The following PRKN variants were observed in gnomAD, a reference collection of about 807,000 sequenced individuals.
PRKN encodes E3 ubiquitin-protein ligase parkin.
Under a neutral mutation model 59.5 loss-of-function variants are expected in PRKN, and 56 were observed. The observed-to-expected ratio is 0.94, with a 90% CI of 0.76 to 1.18. The LOEUF is 1.18. PRKN is among the 50% of genes most tolerant of loss of function. PRKN has a pLI of 0.00. For missense variants in PRKN, 657 were observed against 596.4 expected (o/e 1.10, Z -1.06); for synonymous variants, 250 against 222.1 (o/e 1.13, Z -1.12).
chr6:161,669,332 G>A (rs142955259), intron 7 of PRKN, among the ~76,000 whole-genome samples: 219 of 152,224 alleles, frequency 1.4e-3, no homozygotes, highest in Non-Finnish European at 2.6e-3. Context: ...CACAGTGACC[G>A]CCTCCAGCTA....
chr6:162,455,188 G>T (rs527835108), intron 1 of PRKN, among the ~76,000 whole-genome samples: 2 of 152,138 alleles, frequency 1.3e-5, no homozygotes, highest in East Asian at 3.9e-4. Flanking sequence ...TATCACCCAG[G>T]AGACAAACTG....
intron 1 of PRKN, among the ~76,000 whole-genome samples, chr6:162,554,817 G>A (rs979564124): frequency 6.6e-6 from 1 of 152,166 alleles, no homozygotes; most frequent in Admixed American, 6.5e-5. Flanking sequence ...CCACAGAAAT[G>A]TTCTAAAATG....
At chr6:161,943,657 CT>C (rs1435045724) in intron 6 of PRKN, among the ~76,000 whole-genome samples, 2 of 151,516 alleles carry the variant, frequency 1.3e-5, no homozygotes, top group Non-Finnish European at 2.9e-5. Context: ...AGGGATCAGC[CT>C]TGAGGAATCA....
chr6:162,541,194 C>G (rs1430656784), intron 1 of PRKN, among the ~76,000 whole-genome samples: 1 of 152,200 alleles, frequency 6.6e-6, no homozygotes, highest in Admixed American at 6.5e-5. Context: ...CCCTTGCCCT[C>G]ATGTGGGGAG....
At chr6:161,491,962 A>G (rs1357702350) in intron 9 of PRKN, among the ~76,000 whole-genome samples, 1 of 152,116 alleles carries the variant, frequency 6.6e-6, no homozygotes, top group African/African-American at 2.4e-5. Flanking sequence ...CTTGTTTTTT[A>G]TCCTTTCTAA....
chr6:162,655,909 A>G lies in PRKN; in HGVS notation c.7+71753T>C, dbSNP rs543460363. 5.9e-5 allele frequency among the ~76,000 whole-genome samples: 9 copies of G among 152,346 alleles called. No individual in the cohort carries two copies. The South Asian group carries it at 1.7e-3, about 28-fold the overall frequency. On this transcript the variant is annotated intron_variant, in intron 1 of 11. Coordinates refer to ENST00000366898, the MANE Select transcript of PRKN (RefSeq NM_004562.3). ...AATTATTCATTAATAGTAATTTAGA[A>G]TATTAAGGGGCATGACACAATGTTA...
chr6:162,724,314 G>T (rs1489942701), intron 1 of PRKN, among the ~76,000 whole-genome samples: 5 of 152,142 alleles, frequency 3.3e-5, no homozygotes, highest in Non-Finnish European at 7.4e-5. Flanking sequence ...TTATGTTTCT[G>T]TAGCTGCCTG....
intron 8 of PRKN, among the ~76,000 whole-genome samples, chr6:161,555,273 A>G (rs1170030542): frequency 3.3e-5 from 5 of 152,062 alleles, no homozygotes; most frequent in Admixed American, 2.0e-4. Flanking sequence ...TGAAAAGGTT[A>G]TTTTGGCTTT....
At chr6:161,368,283 A>G (rs1369141299) in intron 10 of PRKN, among the ~76,000 whole-genome samples, 2 of 100,762 alleles carry the variant, frequency 2.0e-5, no homozygotes, top group African/African-American at 4.9e-5. Context: ...ATATATGTAT[A>G]TATTTATATA....
At chr6:162,117,356 G>A (rs781339848) in intron 4 of PRKN, among the ~76,000 whole-genome samples, 2 of 152,204 alleles carry the variant, frequency 1.3e-5, no homozygotes, top group Admixed American at 6.5e-5. Flanking sequence ...GTAGGCTTTC[G>A]CCGAAGGGCC....
rs1000833475 is a variant in PRKN, at chr6:161,525,338, A to G, written c.1083+23516T>C. Among the ~76,000 whole-genome samples the G allele has an allele frequency of 2.0e-5, 3 of 152,024 alleles. No homozygotes were observed. Among genetic ancestry groups the G allele is most frequent in the Non-Finnish European group, 4.4e-5 (3 of 68,014 alleles). The stretch of plus-strand genomic sequence containing the variant: ...TTCCTGGGCCTGGAGATGAGGGTCC[A>G]CCTCTCCCAGGTCCTGAGGACTTTC... On this transcript the variant is annotated intron_variant, in intron 9 of 11. Coordinates refer to ENST00000366898, the MANE Select transcript of PRKN (RefSeq NM_004562.3). This position sits in a 1 kb window ranked among gnomAD's most constrained non-coding sequence, Gnocchi z 4.7.
chr6:161,664,242 G>A (rs530816908), intron 7 of PRKN, among the ~76,000 whole-genome samples: 3 of 152,302 alleles, frequency 2.0e-5, no homozygotes, highest in African/African-American at 7.2e-5. Flanking sequence ...GGGAAAAATA[G>A]AGACACAGCT....
intron 2 of PRKN, among the ~76,000 whole-genome samples, chr6:162,355,145 A>T (rs1397388133): frequency 7.0e-6 from 1 of 142,142 alleles, no homozygotes; most frequent in Non-Finnish European, 1.5e-5. Context: ...GAATTAGAGA[A>T]TAATATATAG....
chr6:161,997,155 T>A (rs1277215627), intron 5 of PRKN, among the ~76,000 whole-genome samples: 1 of 152,152 alleles, frequency 6.6e-6, no homozygotes, highest in East Asian at 1.9e-4. Flanking sequence ...TCCATTCTAC[T>A]TCTTGGTGCA....
chr6:161,434,036 T>C (rs1788770531), intron 9 of PRKN, among the ~76,000 whole-genome samples: 1 of 152,082 alleles, frequency 6.6e-6, no homozygotes, highest in Admixed American at 6.6e-5. Context: ...TGTCAGTTTT[T>C]ATAACACTCC....
intron 2 of PRKN, among the ~76,000 whole-genome samples, chr6:162,303,877 C>T (rs1009120988): frequency 1.3e-5 from 2 of 151,812 alleles, no homozygotes; most frequent in African/African-American, 2.4e-5. Context: ...TAGTGGAGGG[C>T]CAGGAGGAGG....
At chr6:161,510,474 T>A (rs967027366) in intron 9 of PRKN, among the ~76,000 whole-genome samples, 1 of 152,232 alleles carries the variant, frequency 6.6e-6, no homozygotes, top group African/African-American at 2.4e-5. Context: ...CCAGTTAATC[T>A]GAGACCAACG....
rs188787246 is a variant in PRKN, at chr6:161,413,075, C to A, written c.1084-26198G>T. Among the ~76,000 whole-genome samples the A allele has an allele frequency of 6.6e-6, 1 of 152,334 alleles. No homozygotes were observed. The highest frequency in any genetic ancestry group is 2.4e-5 in the African/African-American group (1 of 41,564). The stretch of plus-strand genomic sequence containing the variant: ...CAGGGATTGAGCTTTATTCTGGCAG[C>A]AAATTCAGCTCCTTTGGAAATTATA... On this transcript the variant is annotated intron_variant, in intron 9 of 11. Transcript: ENST00000366898. The surrounding 1 kb of genome is among the most constrained non-coding windows in gnomAD (Gnocchi z 4.4).
At chr6:162,536,607 C>T (rs1296940225) in intron 1 of PRKN, among the ~76,000 whole-genome samples, 2 of 151,930 alleles carry the variant, frequency 1.3e-5, no homozygotes, top group Admixed American at 6.6e-5. Context: ...TCATTGCCAT[C>T]GATGCTGTGA....
Sources: allele counts gnomAD v4.1 joint callset (sites outside exome capture counted in the v4.1 genomes callset), GRCh38; gene constraint gnomAD v4.1.1; non-coding constraint Gnocchi (gnomAD v3.1); transcripts MANE v1.5; gene names NCBI Gene and HGNC (gene_info 2026-07-23, HGNC 2026-07-21).